Variants in FRYL observed in about 807,000 individuals in gnomAD.
The protein encoded by FRYL is protein furry homolog-like.
Under a neutral mutation model 351.2 loss-of-function variants are expected in FRYL, and 150 were observed. That is an observed-to-expected ratio of 0.43 (90% CI 0.37 to 0.49). FRYL has a LOEUF of 0.49. FRYL is among the 20% of genes least tolerant of loss of function. The probability of loss-of-function intolerance (pLI) is 0.00; values close to 1 mark genes in which losing one functional copy is unlikely to be tolerated. For synonymous variants in FRYL, 1,153 were observed against 1,257.1 expected, an observed-to-expected ratio of 0.92 and a Z score of 1.75; for missense variants, 3,036 against 3,619.3, an observed-to-expected ratio of 0.84 and a Z score of 4.13.
At chr4:48,588,854 A>G (rs1742672387) in intron 18 of FRYL, among the ~76,000 whole-genome samples, 1 of 152,186 alleles carries the variant, frequency 6.6e-6, no homozygotes. Flanking sequence ...ACACTGAAAT[A>G]GAATAGAAAG....
chr4:48,779,943 C>G (rs898642847), intron 1 of FRYL, 135 bp downstream of exon 1: 3 of 152,068 alleles, frequency 2.0e-5, no homozygotes, highest in Non-Finnish European at 4.4e-5. Flanking sequence ...CGGCGCCCAC[C>G]AGGAAGGACA....
chr4:48,674,552 A>G (rs1176789639), intron 3 of FRYL, among the ~76,000 whole-genome samples: 1 of 151,976 alleles, frequency 6.6e-6, no homozygotes, highest in East Asian at 1.9e-4. Context: ...CCTGGCGAAC[A>G]CGGTGAAAAC....
At chr4:48,622,631 A>T (rs1435945808) in intron 5 of FRYL, among the ~76,000 whole-genome samples, 3 of 152,176 alleles carry the variant, frequency 2.0e-5, no homozygotes, top group Non-Finnish European at 4.4e-5. Flanking sequence ...AAGAAAGCTA[A>T]TTTAAATTAC....
chr4:48,522,007 G>A (rs1160195447), intron 54 of FRYL, among the ~76,000 whole-genome samples: 2 of 152,148 alleles, frequency 1.3e-5, no homozygotes, highest in African/African-American at 4.8e-5. Flanking sequence ...GCTGGGTGCG[G>A]TGGCTCATGC....
intron 1 of FRYL, among the ~76,000 whole-genome samples, chr4:48,763,152 G>C (rs1186443701): frequency 6.8e-6 from 1 of 147,432 alleles, no homozygotes; most frequent in Non-Finnish European, 1.5e-5. Flanking sequence ...GAAATTGAGA[G>C]ATTTTGGATA....
At chr4:48,729,654 T>C (rs1447738798) in intron 1 of FRYL, among the ~76,000 whole-genome samples, 1 of 152,202 alleles carries the variant, frequency 6.6e-6, no homozygotes, top group Non-Finnish European at 1.5e-5. Context: ...CTGAGGGGCC[T>C]ATTAGAAGGA....
chr4:48,604,308 C>T (rs1746295896), intron 11 of FRYL, among the ~76,000 whole-genome samples: 1 of 152,192 alleles, frequency 6.6e-6, no homozygotes, highest in Admixed American at 6.5e-5. Context: ...GCAGAAGGAG[C>T]TGCATGTGCA....
chr4:48,629,865 T>G (rs1331331878), intron 4 of FRYL, among the ~76,000 whole-genome samples: 1 of 152,154 alleles, frequency 6.6e-6, no homozygotes, highest in Non-Finnish European at 1.5e-5. Context: ...TGAAAGATTG[T>G]TTTAAAAAGC....
intron 9 of FRYL, among the ~76,000 whole-genome samples, chr4:48,607,340 T>TA (rs765538527): frequency 2.0e-5 from 3 of 152,094 alleles, no homozygotes; most frequent in South Asian, 4.1e-4. Flanking sequence ...CTGACTACAG[T>TA]GAGAAGAACA....
At chr4:48,574,158 T>C (rs575069014) in intron 25 of FRYL, among the ~76,000 whole-genome samples, 1 of 152,264 alleles carries the variant, frequency 6.6e-6, no homozygotes, top group South Asian at 2.1e-4. Flanking sequence ...ATTGAAAATG[T>C]GCTTATTTTA....
At chr4:48,613,723 A>G (rs1460058407) in intron 7 of FRYL, among the ~76,000 whole-genome samples, 1 of 151,590 alleles carries the variant, frequency 6.6e-6, no homozygotes, top group Non-Finnish European at 1.5e-5. Context: ...TGGGAGGCTG[A>G]GGCGGGTGGA....
Position 48,498,362 on chromosome 4 carries a change from C to A in FRYL, c.*1060G>T, listed in dbSNP as rs757549154. The stretch of plus-strand genomic sequence containing the variant: ...ATCAATGACCACAATTTTTCTTTAG[C>A]TTTGTACACCTATTCTTGTATAACA... On this transcript the variant is annotated 3_prime_UTR_variant, in exon 64 of 64. Transcript: ENST00000358350. 2.6e-5 allele frequency: 4 copies of A among 152,252 alleles called. No homozygotes were observed. The highest frequency in any genetic ancestry group is 5.9e-5 in the Non-Finnish European group (4 of 68,036). 9.4% of individuals were successfully genotyped at this position (152,252 alleles called of 1,614,324 possible).
intron 3 of FRYL, among the ~76,000 whole-genome samples, chr4:48,678,160 A>G (rs1764029128): frequency 6.6e-6 from 1 of 152,210 alleles, no homozygotes. Context: ...TGGGAGGCCA[A>G]GGCAGGTGGA....
At chr4:48,682,417 C>T (rs991619385) in intron 3 of FRYL, among the ~76,000 whole-genome samples, 21 of 152,230 alleles carry the variant, frequency 1.4e-4, no homozygotes, top group African/African-American at 3.9e-4. Context: ...CCAAAATTGA[C>T]AAATGGGATC....
At chr4:48,551,629 C>A in intron 36 of FRYL, 51 bp from the exon 37 acceptor site, 5 of 1,087,736 alleles carry the variant, frequency 4.6e-6, no homozygotes, top group South Asian at 2.8e-5. Context: ...CTGGAATAAC[C>A]CAATAAGAAC....
intron 15 of FRYL, 68 bp downstream of exon 15, chr4:48,595,522 C>A: frequency 1.2e-6 from 1 of 848,638 alleles, no homozygotes; most frequent in Non-Finnish European, 1.8e-6. Context: ...AATTTCAAAG[C>A]TCCAAGTGAT....
In FRYL at chr4:48,602,138, A is replaced by AGG; in HGVS notation, c.934-18_934-17insCC. On this transcript the variant is annotated splice_polypyrimidine_tract_variant and intron_variant, in intron 12 of 63. Transcript: ENST00000358350. Reference sequence around the variant, plus strand: ...ATATAAAGCCTATAGGAGACGGGGAAAAGACAGAATTAACATTTTTCATCG... The same window carrying AGG: ...ATATAAAGCCTATAGGAGACGGGGAAGGAAGACAGAATTAACATTTTTCATCG... 2 of 1,275,258 alleles carry AGG rather than the reference A, an allele frequency of 1.6e-6. No homozygotes were observed. Among genetic ancestry groups the AGG allele is most frequent in the South Asian group, 2.4e-5 (2 of 81,674 alleles). 79.0% of individuals were successfully genotyped at this position (1,275,258 alleles called of 1,614,324 possible).
At chr4:48,730,150 T>C (rs1191261649) in intron 1 of FRYL, among the ~76,000 whole-genome samples, 2 of 151,796 alleles carry the variant, frequency 1.3e-5, no homozygotes, top group Non-Finnish European at 2.9e-5. Flanking sequence ...GAAGATCAAA[T>C]TAATGAAATA....
chr4:48,554,071 T>C (rs775496342), intron 35 of FRYL, among the ~76,000 whole-genome samples: 2 of 152,340 alleles, frequency 1.3e-5, no homozygotes, highest in African/African-American at 4.8e-5. Context: ...TTCAGTAGTA[T>C]ATACATATGT....
Sources: allele counts gnomAD v4.1 joint callset (sites outside exome capture counted in the v4.1 genomes callset), GRCh38; gene constraint gnomAD v4.1.1; transcripts MANE v1.5; gene names NCBI Gene and HGNC (gene_info 2026-07-23, HGNC 2026-07-21).